Variants in NEGR1 observed in about 807,000 individuals in gnomAD.
NEGR1 encodes the protein neuronal growth regulator 1.
A neutral mutation model predicts 40.9 loss-of-function variants in NEGR1; 10 were observed. The observed-to-expected ratio is 0.24, with a 90% confidence interval of 0.15 to 0.42. The LOEUF (loss-of-function observed/expected upper bound fraction) is 0.42. Among genes scored for constraint, NEGR1 ranks in the 10% least tolerant of loss-of-function variants. The pLI, the probability that NEGR1 is intolerant of heterozygous loss-of-function variation, is 1.00. For synonymous variants in NEGR1, 185 were observed against 166.8 expected (o/e 1.11, Z -0.84); for missense variants, 352 against 438.9 (o/e 0.80, Z 1.77).
At chr1:72,208,823 C>T (rs1301539099) in intron 1 of NEGR1, among the ~76,000 whole-genome samples, 1 of 151,492 alleles carries the variant, frequency 6.6e-6, no homozygotes, top group Admixed American at 6.6e-5. Context: ...CATTCAATGA[C>T]TCTAGGAAAT....
intron 4 of NEGR1, among the ~76,000 whole-genome samples, chr1:71,661,701 T>C (rs1330717502): frequency 2.6e-5 from 4 of 152,230 alleles, no homozygotes; most frequent in Non-Finnish European, 5.9e-5. Context: ...CAAATTGATC[T>C]GATGCTAAGT....
intron 2 of NEGR1, among the ~76,000 whole-genome samples, chr1:71,880,985 A>G (rs1660568460): frequency 6.6e-6 from 1 of 152,082 alleles, no homozygotes; most frequent in African/African-American, 2.4e-5. Flanking sequence ...CAAATACTCA[A>G]AATGGCAAAA....
chr1:72,115,626 TG>T (rs1649551836), intron 1 of NEGR1, among the ~76,000 whole-genome samples: 1 of 151,460 alleles, frequency 6.6e-6, no homozygotes, highest in South Asian at 2.1e-4. Flanking sequence ...ACCTTTAAAG[TG>T]TGTATGGAAA....
chr1:71,485,871 G>C (rs1462178340), intron 6 of NEGR1, among the ~76,000 whole-genome samples: 1 of 151,472 alleles, frequency 6.6e-6, no homozygotes, highest in Non-Finnish European at 1.5e-5. Flanking sequence ...CCAAGTTTTT[G>C]CAATTATGAA....
intron 2 of NEGR1, among the ~76,000 whole-genome samples, chr1:71,863,675 T>C (rs1056854622): frequency 3.9e-5 from 6 of 152,160 alleles, no homozygotes; most frequent in Non-Finnish European, 7.4e-5. Context: ...TACTTCTCTT[T>C]GTTTCGATTA....
intron 1 of NEGR1, among the ~76,000 whole-genome samples, chr1:72,120,314 G>T (rs1201869652): frequency 6.6e-6 from 1 of 151,760 alleles, no homozygotes; most frequent in Non-Finnish European, 1.5e-5. Flanking sequence ...ATAATAGAAA[G>T]AATTATTTGC....
At chr1:71,765,028 C>CA (rs778040439) in intron 3 of NEGR1, among the ~76,000 whole-genome samples, 2 of 151,056 alleles carry the variant, frequency 1.3e-5, no homozygotes, top group African/African-American at 4.9e-5. Context: ...AAACTTGCAC[C>CA]AAAAAAAGGG....
At chr1:71,751,205 T>C (rs949430642) in intron 3 of NEGR1, among the ~76,000 whole-genome samples, 6 of 152,122 alleles carry the variant, frequency 3.9e-5, no homozygotes, top group Non-Finnish European at 8.8e-5. Context: ...CAATAAGAGA[T>C]GAACTCTTAG....
At chr1:71,743,738 G>T (rs915237501) in intron 3 of NEGR1, among the ~76,000 whole-genome samples, 2 of 152,104 alleles carry the variant, frequency 1.3e-5, no homozygotes, top group African/African-American at 4.8e-5. Context: ...GCAGAGCTCT[G>T]TTGCCTTTCT....
At chr1:71,856,225 C>T (rs1186500140) in intron 2 of NEGR1, among the ~76,000 whole-genome samples, 3 of 151,862 alleles carry the variant, frequency 2.0e-5, no homozygotes, top group African/African-American at 4.8e-5. Flanking sequence ...CCCTACCAGT[C>T]GATAGATACA....
chr1:71,501,249 C>T (rs761126185), intron 6 of NEGR1, among the ~76,000 whole-genome samples: 16 of 151,888 alleles, frequency 1.1e-4, no homozygotes, highest in South Asian at 2.1e-4. Flanking sequence ...GGCATATATA[C>T]GCAAATGATT....
At chr1:71,906,606 A>G (rs564006261) in intron 2 of NEGR1, among the ~76,000 whole-genome samples, 1 of 152,196 alleles carries the variant, frequency 6.6e-6, no homozygotes, top group South Asian at 2.1e-4. Flanking sequence ...ATCTGTGAAT[A>G]AATGATTTTG....
chr1:72,257,013 T>C (rs998674614), intron 1 of NEGR1, among the ~76,000 whole-genome samples: 9 of 152,154 alleles, frequency 5.9e-5, no homozygotes, highest in Non-Finnish European at 1.0e-4. Context: ...TGCATTTTCT[T>C]TGGCCAAACT....
chr1:71,786,835 G>A (rs149443614), intron 2 of NEGR1, among the ~76,000 whole-genome samples: 1 of 152,260 alleles, frequency 6.6e-6, no homozygotes, highest in African/African-American at 2.4e-5. Flanking sequence ...AATGCTATTT[G>A]ACTTCCAAAC....
At chr1:72,187,858 T>A (rs1183189599) in intron 1 of NEGR1, among the ~76,000 whole-genome samples, 2 of 151,450 alleles carry the variant, frequency 1.3e-5, no homozygotes, top group Non-Finnish European at 3.0e-5. Flanking sequence ...TCAGTGGTAG[T>A]AGAGCCACTA....
chr1:71,957,162 G>T (rs1646126070), intron 1 of NEGR1, among the ~76,000 whole-genome samples: 1 of 151,822 alleles, frequency 6.6e-6, no homozygotes, highest in South Asian at 2.1e-4. Flanking sequence ...GAGCAAAAAA[G>T]ATGCCAAAGT....
chr1:72,107,535 A>AT (rs921212122), intron 1 of NEGR1, among the ~76,000 whole-genome samples: 2 of 151,412 alleles, frequency 1.3e-5, no homozygotes, highest in African/African-American at 2.4e-5. Context: ...CTAATTTTAG[A>AT]TTTTTTTTAG....
chr1:72,013,840 G>T (rs1482600709), intron 1 of NEGR1, among the ~76,000 whole-genome samples: 2 of 149,466 alleles, frequency 1.3e-5, no homozygotes, highest in African/African-American at 4.9e-5. Context: ...AAAAAAAAAA[G>T]TTGAAAACCT....
At chr1:71,859,701 C>T (rs1570439947) in intron 2 of NEGR1, among the ~76,000 whole-genome samples, 1 of 152,042 alleles carries the variant, frequency 6.6e-6, no homozygotes, top group African/African-American at 2.4e-5. Context: ...CTTATTTTAC[C>T]TCCTGTCAGC....
Sources: allele counts gnomAD v4.1 joint callset (sites outside exome capture counted in the v4.1 genomes callset), GRCh38; gene constraint gnomAD v4.1.1; transcripts MANE v1.5; gene names NCBI Gene and HGNC (gene_info 2026-07-23, HGNC 2026-07-21).